XIRP2: variants seen among roughly 807,000 people sequenced by gnomAD.
The protein encoded by XIRP2 is xin actin binding repeat containing 2.
Under a neutral mutation model 277.0 loss-of-function variants are expected in XIRP2, and 236 were observed. The ratio of observed to expected loss-of-function variants is 0.85; its 90% CI spans 0.77 to 0.95. The LOEUF is 0.95. Ranked by LOEUF, XIRP2 falls within the 40% of genes least tolerant of loss-of-function variation. The probability of loss-of-function intolerance (pLI) is 0.00; values close to 1 mark genes in which losing one functional copy is unlikely to be tolerated. For missense variants in XIRP2, 4,640 were observed against 4,157.5 expected, an observed-to-expected ratio of 1.12 and a Z score of -3.19; for synonymous variants, 1,490 against 1,416.5, an observed-to-expected ratio of 1.05 and a Z score of -1.17.
intron 2 of XIRP2, among the ~76,000 whole-genome samples, chr2:167,068,737 C>T (rs1184122202): frequency 1.3e-5 from 2 of 152,110 alleles, no homozygotes; most frequent in South Asian, 2.1e-4. Flanking sequence ...CTAGAGCAAG[C>T]TTGTCCAACC....
chr2:167,087,534 A>T (rs559845634), intron 2 of XIRP2, among the ~76,000 whole-genome samples: 5 of 146,906 alleles, frequency 3.4e-5, no homozygotes, highest in African/African-American at 9.9e-5. Flanking sequence ...GGTGCCCCTC[A>T]CCCTGCCTCG....
chr2:166,899,426 T>C (rs1684321535), intron 1 of XIRP2, among the ~76,000 whole-genome samples: 1 of 152,102 alleles, frequency 6.6e-6, no homozygotes, highest in African/African-American at 2.4e-5. Flanking sequence ...ATAGAATGTA[T>C]ACTATTATTT....
intron 2 of XIRP2, among the ~76,000 whole-genome samples, chr2:166,950,646 C>G (rs1251245259): frequency 6.6e-6 from 1 of 151,904 alleles, no homozygotes; most frequent in African/African-American, 2.4e-5. Flanking sequence ...AAATTACTGC[C>G]CTTCACTGAA....
intron 3 of XIRP2, among the ~76,000 whole-genome samples, chr2:167,200,984 G>A (rs1693668069): frequency 6.6e-6 from 1 of 151,812 alleles, no homozygotes; most frequent in African/African-American, 2.4e-5. Context: ...AAATTAGCCG[G>A]GTGTGGTGGC....
rs139379772 is a variant in XIRP2, at chr2:167,245,474, C to G, written c.4082C>G (p.Ser1361Cys). 1 of 1,613,504 alleles carries G rather than the reference C, an allele frequency of 6.2e-7. No individual in the cohort carries two copies. The highest frequency in any genetic ancestry group is 1.7e-5 in the Admixed American group (1 of 59,970). Reference sequence around the variant, plus strand: ...CTTTTTGAAACAAAGCCATTAGACTCTATTAATAAATCAGAAACTGTGTAT... The same window carrying G: ...CTTTTTGAAACAAAGCCATTAGACTGTATTAATAAATCAGAAACTGTGTAT... ...RWLFETKPLD[S>C]INKSETVYVI... Residue 1361 changes from serine (S) to cysteine (C), a missense_variant, in exon 9 of 11, where the codon TCT becomes TGT. Physicochemically the swap from Ser to Cys is moderately radical, Grantham distance 112. Coordinates refer to ENST00000409195, the MANE Select transcript of XIRP2 (RefSeq NM_152381.6).
At position 167,250,348 on chromosome 2, in the gene XIRP2, T is replaced by G. The variant is rs576116228; in HGVS notation, c.8956T>G (p.Trp2986Gly). 3.8e-5 allele frequency: 61 copies of G among 1,613,586 alleles called. No homozygotes were observed. The highest frequency in any genetic ancestry group is 5.0e-5 in the Non-Finnish European group (59 of 1,179,712). The part of the protein sequence containing the change: ...FQTLLNTIPG[W>G]LISEDKREYA... ...GACACTATTAAATACTATCCCAGGA[T>G]GGCTGATAAGTGAAGATAAGAGAGA... The change falls in exon 9 of 11, where the codon TGG becomes GGG. Residue 2986 changes from tryptophan (W) to glycine (G), a missense_variant. By Grantham distance (184) the Trp-to-Gly change is radical (BLOSUM62 -2). Coordinates refer to ENST00000409195, the MANE Select transcript of XIRP2 (RefSeq NM_152381.6).
chr2:167,230,883 T>G (rs894403161), intron 5 of XIRP2, among the ~76,000 whole-genome samples: 2 of 152,072 alleles, frequency 1.3e-5, no homozygotes, highest in Non-Finnish European at 2.9e-5. Context: ...AGACTGAAAT[T>G]AGTTAAGACT....
In XIRP2 at chr2:167,243,361, A is replaced by T. The variant is rs755108675; in HGVS notation, c.1969A>T (p.Met657Leu). ...AGGAGATGTCTGCACAGCTCGGTGG[A>T]TGTTTGAAACAAGGCCATTGGACTC... ...ARGDVCTARW[M>L]FETRPLDSMN... Residue 657 changes from methionine (M) to leucine (L), a missense_variant, in exon 9 of 11, where the codon ATG (methionine) becomes TTG (leucine). Transcript: ENST00000409195. The T allele has an allele frequency of 2.5e-6, 4 of 1,614,146 alleles. No individual in the cohort carries two copies. In the East Asian group the frequency reaches 6.7e-5, roughly 27 times the overall value.
intron 3 of XIRP2, among the ~76,000 whole-genome samples, chr2:167,178,640 T>A (rs1438099198): frequency 1.3e-5 from 2 of 152,280 alleles, no homozygotes; most frequent in East Asian, 3.9e-4. Context: ...TGTTCATAAG[T>A]TTTTTACTTC....
intron 2 of XIRP2, among the ~76,000 whole-genome samples, chr2:166,963,833 G>A (rs1686359905): frequency 3.3e-5 from 5 of 151,884 alleles, no homozygotes; most frequent in African/African-American, 7.2e-5. Context: ...TTAAATCGAT[G>A]GAAAGCCATT....
intron 2 of XIRP2, among the ~76,000 whole-genome samples, chr2:167,061,356 A>G (rs1178660557): frequency 5.9e-5 from 9 of 152,030 alleles, no homozygotes; most frequent in Non-Finnish European, 1.3e-4. Context: ...GCTTTGCCTT[A>G]TTGCTTTCAT....
At chr2:167,010,328 T>C (rs1473452769) in intron 2 of XIRP2, among the ~76,000 whole-genome samples, 1 of 151,600 alleles carries the variant, frequency 6.6e-6, no homozygotes, top group Non-Finnish European at 1.5e-5. Flanking sequence ...AAATAGGGAA[T>C]CCTTTCCCCA....
intron 2 of XIRP2, among the ~76,000 whole-genome samples, chr2:166,975,346 A>T (rs1163506938): frequency 2.0e-5 from 3 of 152,172 alleles, no homozygotes; most frequent in Non-Finnish European, 2.9e-5. Context: ...CGGAATAATC[A>T]TTTTTTCAAG....
chr2:167,098,995 G>T (rs915343148), intron 2 of XIRP2, among the ~76,000 whole-genome samples: 1 of 152,140 alleles, frequency 6.6e-6, no homozygotes, highest in African/African-American at 2.4e-5. Flanking sequence ...CTGCTAGGAG[G>T]TGTCTCCCAG....
chr2:166,925,571 G>T (rs1685157458), intron 2 of XIRP2, among the ~76,000 whole-genome samples: 1 of 135,168 alleles, frequency 7.4e-6, no homozygotes, highest in African/African-American at 2.8e-5. Context: ...GTGTGTGTAT[G>T]TATGTGTGTG....
At position 167,251,886 on chromosome 2, in the gene XIRP2, C is replaced by T. The variant is rs771050056; in HGVS notation, c.10494C>T (p.Thr3498=). 10 of 1,600,112 alleles carry T rather than the reference C, an allele frequency of 6.2e-6. No homozygotes were observed. The highest frequency in any genetic ancestry group is 5.2e-5 in the Admixed American group (3 of 57,380). ...TTTTTAAAGGCCTGGGATATGCAAC[C>T]GCAGATGCTTCTGCAACTGAGATGA... ...GRVFKGLGYA[T]ADASATEMRT... The change falls in exon 9 of 11, where the codon ACC becomes ACT. Residue 3498 remains threonine, a synonymous_variant. Transcript: ENST00000409195.
intron 2 of XIRP2, among the ~76,000 whole-genome samples, chr2:166,906,090 T>A (rs1285532802): frequency 6.6e-6 from 1 of 151,980 alleles, no homozygotes; most frequent in African/African-American, 2.4e-5. Context: ...ACTGAGATAT[T>A]GGGGATGTGG....
intron 2 of XIRP2, among the ~76,000 whole-genome samples, chr2:167,025,651 T>G (rs558295073): frequency 3.9e-5 from 6 of 152,220 alleles, no homozygotes; most frequent in Admixed American, 6.6e-5. Context: ...TCTGGTATGT[T>G]GTGTCTTTGT....
intron 2 of XIRP2, among the ~76,000 whole-genome samples, chr2:166,998,230 C>A (rs1286071572): frequency 6.6e-6 from 1 of 152,110 alleles, no homozygotes; most frequent in African/African-American, 2.4e-5. Context: ...TAGCAAACTG[C>A]ATGTACTGCA....
Sources: allele counts gnomAD v4.1 joint callset (sites outside exome capture counted in the v4.1 genomes callset), GRCh38; gene constraint gnomAD v4.1.1; transcripts MANE v1.5; gene names NCBI Gene and HGNC (gene_info 2026-07-23, HGNC 2026-07-21).